The following FOXO3 variants were observed in gnomAD, a reference collection of about 807,000 sequenced individuals.
The protein encoded by FOXO3 is forkhead box protein O3.
In FOXO3, 4 loss-of-function variants were observed where a neutral mutation model predicts 41.9. The ratio of observed to expected loss-of-function variants is 0.10; its 90% CI spans 0.05 to 0.22. The LOEUF is 0.22. Ranked by LOEUF, FOXO3 falls within the 10% of genes least tolerant of loss-of-function variation. The pLI is 1.00. For synonymous variants in FOXO3, 318 were observed against 389.3 expected (o/e 0.82, Z 2.16); for missense variants, 534 against 906.8 (o/e 0.59, Z 5.28).
chr6:108,653,241 C>T (rs1297962840), intron 1 of FOXO3, among the ~76,000 whole-genome samples: 1 of 152,168 alleles, frequency 6.6e-6, no homozygotes, highest in Non-Finnish European at 1.5e-5. Flanking sequence ...TATTTTGTGG[C>T]TCCTGCCCCC....
chr6:108,629,027 C>T (rs1022018533), intron 1 of FOXO3, among the ~76,000 whole-genome samples: 76 of 152,076 alleles, frequency 5.0e-4, no homozygotes, highest in Non-Finnish European at 8.4e-4. Flanking sequence ...TGGCTGAAAT[C>T]GAGCAAGTTC....
chr6:108,623,168 G>T (rs1466630560), intron 1 of FOXO3, among the ~76,000 whole-genome samples: 1 of 152,088 alleles, frequency 6.6e-6, no homozygotes, highest in Non-Finnish European at 1.5e-5. Flanking sequence ...GAGGACTGTG[G>T]TGATGCGCTA....
chr6:108,616,629 C>A (rs1166376108), intron 1 of FOXO3, among the ~76,000 whole-genome samples: 1 of 152,138 alleles, frequency 6.6e-6, no homozygotes, highest in Non-Finnish European at 1.5e-5. Context: ...TTTGTTGAGA[C>A]CTAATTCACA....
chr6:108,575,025 A>G lies in FOXO3; in HGVS notation c.621+13196A>G, dbSNP rs149884491. On this transcript the variant is annotated intron_variant, in intron 1 of 2. Coordinates refer to ENST00000406360, the MANE Select transcript of FOXO3 (RefSeq NM_001455.4). Reference sequence around the variant, plus strand: ...GGAGGCAGCTGCAGTAGAAGTTGGCAGTGCCACTGTGGACTTTTAAAGGGA... The same window carrying G: ...GGAGGCAGCTGCAGTAGAAGTTGGCGGTGCCACTGTGGACTTTTAAAGGGA... Among the ~76,000 whole-genome samples, 606 of 152,312 alleles carry G rather than the reference A, an allele frequency of 4.0e-3. 3 individuals carry two copies. The highest frequency in any genetic ancestry group is 0.017 in the Middle Eastern group (5 of 294).
At chr6:108,660,648 A>T (rs1778817327) in intron 1 of FOXO3, among the ~76,000 whole-genome samples, 1 of 151,822 alleles carries the variant, frequency 6.6e-6, no homozygotes, top group Non-Finnish European at 1.5e-5. Flanking sequence ...AGGTGGGCAG[A>T]TCACTTGATG....
At chr6:108,640,946 C>G (rs1159425109) in intron 1 of FOXO3, among the ~76,000 whole-genome samples, 2 of 152,178 alleles carry the variant, frequency 1.3e-5, no homozygotes, top group African/African-American at 4.8e-5. Context: ...CAGAGTCCCA[C>G]TCTGTCGCCC....
intron 1 of FOXO3, among the ~76,000 whole-genome samples, chr6:108,564,359 C>T (rs1775897388): frequency 6.6e-6 from 1 of 152,132 alleles, no homozygotes. Flanking sequence ...TAATTGTGAC[C>T]CATTTCCAAG....
At chr6:108,621,263 C>T (rs1487847712) in intron 1 of FOXO3, among the ~76,000 whole-genome samples, 1 of 152,152 alleles carries the variant, frequency 6.6e-6, no homozygotes, top group Non-Finnish European at 1.5e-5. Flanking sequence ...AACAGCAGTT[C>T]ATTCAGGCTG....
At chr6:108,633,447 G>A (rs1169287460) in intron 1 of FOXO3, among the ~76,000 whole-genome samples, 1 of 152,056 alleles carries the variant, frequency 6.6e-6, no homozygotes, top group East Asian at 1.9e-4. Context: ...TAAGATATAT[G>A]CAACTTAAAA....
At chr6:108,627,711 A>C (rs535361115) in intron 1 of FOXO3, among the ~76,000 whole-genome samples, 2 of 152,202 alleles carry the variant, frequency 1.3e-5, no homozygotes, top group East Asian at 3.9e-4. Flanking sequence ...AAAAGAAAGA[A>C]ATAGTAAAAA....
chr6:108,561,339 C>T lies in FOXO3; in HGVS notation c.131C>T (p.Pro44Leu), dbSNP rs1221996251. Residue 44 changes from proline (P) to leucine (L), a missense_variant, in exon 1 of 3, where the codon CCT (proline) becomes CTT (leucine). Coordinates refer to ENST00000406360, the MANE Select transcript of FOXO3 (RefSeq NM_001455.4). ...PLQRPELQAS[P>L]AKPSGETAAD... is the part of the protein sequence containing the mutation. ...CAAAGGCCGGAGCTCCAAGCGAGCC[C>T]TGCCAAGCCCTCGGGGGAGACGGCC... 25 of 1,569,192 alleles carry T rather than the reference C, an allele frequency of 1.6e-5. 1 individual carries two copies. Among genetic ancestry groups the T allele is most frequent in the Non-Finnish European group, 2.6e-6 (3 of 1,159,930 alleles).
At chr6:108,671,183 A>G (rs1779207471) in intron 2 of FOXO3, among the ~76,000 whole-genome samples, 1 of 152,182 alleles carries the variant, frequency 6.6e-6, no homozygotes, top group South Asian at 2.1e-4. Flanking sequence ...TTCCACAAAA[A>G]CACAGACCCT....
intron 1 of FOXO3, among the ~76,000 whole-genome samples, chr6:108,623,700 G>T (rs560404531): frequency 6.6e-6 from 1 of 152,300 alleles, no homozygotes; most frequent in South Asian, 2.1e-4. Flanking sequence ...CTGTCAAGGA[G>T]TAATTCATCT....
chr6:108,646,981 C>G (rs1778409042), intron 1 of FOXO3, among the ~76,000 whole-genome samples: 1 of 152,144 alleles, frequency 6.6e-6, no homozygotes, highest in Non-Finnish European at 1.5e-5. Context: ...TACCTTCCCC[C>G]CAATAACAAT....
intron 1 of FOXO3, among the ~76,000 whole-genome samples, chr6:108,574,883 A>T (rs565516798): frequency 6.6e-6 from 1 of 152,332 alleles, no homozygotes; most frequent in South Asian, 2.1e-4. Context: ...AAGATAGGTA[A>T]GTAGTGTCTG....
chr6:108,583,307 C>T (rs769122390), intron 1 of FOXO3, among the ~76,000 whole-genome samples: 12 of 152,132 alleles, frequency 7.9e-5, no homozygotes, highest in Non-Finnish European at 1.3e-4. Context: ...CAAAATGCTA[C>T]CTAATAAACC....
Position 108,683,102 on chromosome 6 carries a change from T to C in FOXO3, c.*3310T>C, listed in dbSNP as rs892451406. 6.5e-6 allele frequency: 1 copy of C among 152,684 alleles called. No individual in the cohort carries two copies. Among genetic ancestry groups the C allele is most frequent in the African/African-American group, 2.4e-5 (1 of 41,466 alleles). 9.5% of individuals were successfully genotyped at this position (152,684 alleles called of 1,614,324 possible). On this transcript the variant is annotated 3_prime_UTR_variant, in exon 3 of 3. Transcript: ENST00000406360. ...TTTATTGCTTCCTCTGCAATATGAT[T>C]GCTGAAACACATTTTAAAAATTCAG... is the stretch of plus-strand genomic sequence containing the variant.
intron 1 of FOXO3, among the ~76,000 whole-genome samples, chr6:108,646,010 A>G (rs1211453879): frequency 6.6e-6 from 1 of 152,140 alleles, no homozygotes; most frequent in East Asian, 1.9e-4. Context: ...TTCTCATGTA[A>G]AAGAAGTCTA....
chr6:108,574,186 G>A (rs977271283), intron 1 of FOXO3, among the ~76,000 whole-genome samples: 1 of 151,398 alleles, frequency 6.6e-6, no homozygotes, highest in African/African-American at 2.4e-5. Flanking sequence ...GAATTAGCGC[G>A]TACCTGGGTC....
Sources: allele counts gnomAD v4.1 joint callset (sites outside exome capture counted in the v4.1 genomes callset), GRCh38; gene constraint gnomAD v4.1.1; transcripts MANE v1.5; gene names NCBI Gene and HGNC (gene_info 2026-07-23, HGNC 2026-07-21).